The following BTRC variants were observed in gnomAD, a reference collection of about 807,000 sequenced individuals.
BTRC encodes the protein beta-transducin repeat containing E3 ubiquitin protein ligase.
In BTRC, 42 loss-of-function variants were observed where a neutral mutation model predicts 85.5. The observed-to-expected ratio is 0.49, with a 90% confidence interval of 0.38 to 0.64. BTRC has a LOEUF of 0.64. Ranked by LOEUF, BTRC falls within the 30% of genes least tolerant of loss-of-function variation. BTRC has a pLI of 0.00. For synonymous variants in BTRC, 255 were observed against 263.3 expected, an observed-to-expected ratio of 0.97 and a Z score of 0.30; for missense variants, 594 against 743.5, an observed-to-expected ratio of 0.80 and a Z score of 2.34.
At chr10:101,443,081 A>G (rs1252425146) in intron 2 of BTRC, among the ~76,000 whole-genome samples, 2 of 151,780 alleles carry the variant, frequency 1.3e-5, no homozygotes, top group African/African-American at 4.8e-5. Context: ...ACGGGGTTTC[A>G]CCATGTTAGC....
At chr10:101,545,798 A>G (rs2062549390) in intron 13 of BTRC, among the ~76,000 whole-genome samples, 2 of 152,214 alleles carry the variant, frequency 1.3e-5, no homozygotes. Context: ...TTCTAACACT[A>G]GTCAGAAGAA....
At chr10:101,525,439 G>A (rs2062176172) in intron 5 of BTRC, among the ~76,000 whole-genome samples, 1 of 151,950 alleles carries the variant, frequency 6.6e-6, no homozygotes, top group Non-Finnish European at 1.5e-5. Flanking sequence ...ATACATCTCT[G>A]TCTTTCTCTT....
At chr10:101,392,261 A>T (rs1033735965) in intron 1 of BTRC, among the ~76,000 whole-genome samples, 1 of 152,208 alleles carries the variant, frequency 6.6e-6, no homozygotes, top group African/African-American at 2.4e-5. Flanking sequence ...TACAGGCATG[A>T]GCCACTGCAC....
At chr10:101,514,463 A>ATT (rs34631596) in intron 4 of BTRC, among the ~76,000 whole-genome samples, 6 of 147,032 alleles carry the variant, frequency 4.1e-5, no homozygotes, top group South Asian at 2.2e-4. Flanking sequence ...TCCCTATTTA[A>ATT]TTTTTTTTTT....
At chr10:101,551,904 G>A (rs2134487959) in intron 14 of BTRC, among the ~76,000 whole-genome samples, 1 of 152,292 alleles carries the variant, frequency 6.6e-6, no homozygotes, top group African/African-American at 2.4e-5. Flanking sequence ...TGTGAAGGCT[G>A]TGTGGAGATA....
At chr10:101,505,350 T>G (rs1309494956) in intron 4 of BTRC, among the ~76,000 whole-genome samples, 1 of 148,760 alleles carries the variant, frequency 6.7e-6, no homozygotes, top group Non-Finnish European at 1.5e-5. Flanking sequence ...CCGGGCGCGG[T>G]GGCTTACGCC....
At chr10:101,499,633 G>C (rs1486987193) in intron 4 of BTRC, among the ~76,000 whole-genome samples, 1 of 151,440 alleles carries the variant, frequency 6.6e-6, no homozygotes, top group Admixed American at 6.6e-5. Context: ...AAAATGTCTT[G>C]ATTCTGTCTT....
intron 1 of BTRC, among the ~76,000 whole-genome samples, chr10:101,397,885 T>G (rs1168849058): frequency 6.6e-6 from 1 of 152,226 alleles, no homozygotes; most frequent in Non-Finnish European, 1.5e-5. Context: ...ATAAATTTAT[T>G]TTAGCTCTAT....
intron 1 of BTRC, among the ~76,000 whole-genome samples, chr10:101,369,699 T>C (rs767240337): frequency 2.6e-5 from 4 of 152,196 alleles, no homozygotes; most frequent in Admixed American, 6.6e-5. Flanking sequence ...AGGTGCACAT[T>C]GCACATTTAC....
In BTRC at chr10:101,406,878, T is replaced by C. The variant is rs186103193; in HGVS notation, c.49-23467T>C. ...TTTTATGATACAGCTTCTTTAAGCT[T>C]TTTACTTTTAATTTATTGGTATACA... On this transcript the variant is annotated intron_variant, in intron 1 of 14. Transcript: ENST00000370187. Among the ~76,000 whole-genome samples, 227 of 152,288 alleles carry C rather than the reference T, an allele frequency of 1.5e-3. 1 individual carries two copies. Among genetic ancestry groups the C allele is most frequent in the Middle Eastern group, 0.01 (3 of 294 alleles).
Position 101,407,235 on chromosome 10 carries a change from C to T in BTRC, c.49-23110C>T, listed in dbSNP as rs1214443679. The stretch of plus-strand genomic sequence containing the variant: ...TAGTGGTATACACCTGTAGTCCCAT[C>T]TACTTGGAAGGCTGAGGCAGGAGGA... On this transcript the variant is annotated intron_variant, in intron 1 of 14. Transcript: ENST00000370187. Among the ~76,000 whole-genome samples, 10 of 152,112 alleles carry T rather than the reference C, an allele frequency of 6.6e-5. No individual in the cohort carries two copies. The East Asian group carries it at 1.9e-3, about 29-fold the overall frequency.
At chr10:101,512,507 A>C (rs1393815195) in intron 4 of BTRC, among the ~76,000 whole-genome samples, 1 of 152,208 alleles carries the variant, frequency 6.6e-6, no homozygotes, top group Admixed American at 6.5e-5. Context: ...AACTAGAAAT[A>C]CTTGTCATTT....
intron 1 of BTRC, among the ~76,000 whole-genome samples, chr10:101,405,446 C>T (rs1403657949): frequency 6.6e-6 from 1 of 152,152 alleles, no homozygotes; most frequent in Non-Finnish European, 1.5e-5. Flanking sequence ...GCCATTCTCT[C>T]TGAGTGTTAC....
intron 3 of BTRC, among the ~76,000 whole-genome samples, chr10:101,478,711 G>C (rs1945755700): frequency 1.3e-5 from 2 of 151,060 alleles, no homozygotes; most frequent in Non-Finnish European, 2.9e-5. Context: ...AGTCCCAGAG[G>C]CATAGATTGC....
intron 1 of BTRC, among the ~76,000 whole-genome samples, chr10:101,363,937 C>T (rs958779401): frequency 3.3e-5 from 5 of 152,106 alleles, no homozygotes; most frequent in African/African-American, 1.2e-4. Flanking sequence ...TCACAAAATA[C>T]CAGCATCTTA....
At chr10:101,510,749 T>C (rs769905442) in intron 4 of BTRC, among the ~76,000 whole-genome samples, 2 of 152,208 alleles carry the variant, frequency 1.3e-5, no homozygotes, top group Non-Finnish European at 2.9e-5. Flanking sequence ...TAAAGTATTA[T>C]ACTAAAATAA....
chr10:101,481,043 T>C (rs575977018), intron 4 of BTRC, among the ~76,000 whole-genome samples: 2 of 152,324 alleles, frequency 1.3e-5, no homozygotes, highest in East Asian at 1.9e-4. Context: ...TGCCTCAGCC[T>C]CCCGAGTAGC....
chr10:101,443,343 C>T (rs185043772), intron 2 of BTRC, among the ~76,000 whole-genome samples: 13 of 152,244 alleles, frequency 8.5e-5, no homozygotes, highest in Non-Finnish European at 1.6e-4. Context: ...TAGTCCTGCG[C>T]AACATTAAAA....
At chr10:101,524,567 G>GAA (rs2062163320) in intron 5 of BTRC, among the ~76,000 whole-genome samples, 3 of 152,160 alleles carry the variant, frequency 2.0e-5, no homozygotes, top group Non-Finnish European at 4.4e-5. Context: ...AATGTAATGG[G>GAA]TTTGTTTGGA....
Sources: allele counts gnomAD v4.1 joint callset (sites outside exome capture counted in the v4.1 genomes callset), GRCh38; gene constraint gnomAD v4.1.1; transcripts MANE v1.5; gene names NCBI Gene and HGNC (gene_info 2026-07-23, HGNC 2026-07-21).